The following RUNX2 variants were observed in gnomAD, a reference collection of about 807,000 sequenced individuals.
The protein encoded by RUNX2 is RUNX family transcription factor 2.
In RUNX2, 10 loss-of-function variants were observed where a neutral mutation model predicts 51.7. The ratio of observed to expected loss-of-function variants is 0.19; its 90% confidence interval spans 0.12 to 0.33. The LOEUF (loss-of-function observed/expected upper bound fraction) is 0.33, where lower values mean the gene tolerates loss of function less well. RUNX2 is among the 10% of genes least tolerant of loss of function. RUNX2 has a pLI of 1.00. For missense variants in RUNX2, 562 were observed against 691.3 expected, an observed-to-expected ratio of 0.81 and a Z score of 2.10; for synonymous variants, 276 against 273.6, an observed-to-expected ratio of 1.01 and a Z score of -0.09.
intron 2 of RUNX2, among the ~76,000 whole-genome samples, chr6:45,374,157 A>G (rs1796466859): frequency 6.6e-6 from 1 of 152,230 alleles, no homozygotes; most frequent in South Asian, 2.1e-4. Flanking sequence ...AATAAGTTAA[A>G]TACCTTAACT....
intron 7 of RUNX2, among the ~76,000 whole-genome samples, chr6:45,538,150 CT>C (rs1173967457): frequency 6.6e-6 from 1 of 152,120 alleles, no homozygotes; most frequent in Non-Finnish European, 1.5e-5. Flanking sequence ...TAAATTTCTG[CT>C]TTTAATATAG....
intron 7 of RUNX2, among the ~76,000 whole-genome samples, chr6:45,523,893 C>A (rs1801585439): frequency 6.6e-6 from 1 of 151,890 alleles, no homozygotes; most frequent in Non-Finnish European, 1.5e-5. Context: ...GATCATGCCA[C>A]TGCACTCTAG....
intron 2 of RUNX2, 115 bp from the exon 3 acceptor site, chr6:45,422,478 T>TG: frequency 7.0e-6 from 4 of 569,524 alleles, no homozygotes; most frequent in Non-Finnish European, 1.1e-5. Context: ...CCATCCTCTT[T>TG]CCCCCCGTCT....
chr6:45,463,989 C>A (rs1233409985), intron 5 of RUNX2, among the ~76,000 whole-genome samples: 2 of 152,014 alleles, frequency 1.3e-5, no homozygotes, highest in Non-Finnish European at 2.9e-5. Flanking sequence ...GTCAGGAGAT[C>A]GAGACCATCC....
intron 7 of RUNX2, among the ~76,000 whole-genome samples, chr6:45,542,152 T>C (rs1802250297): frequency 1.3e-5 from 2 of 152,250 alleles, no homozygotes; most frequent in Non-Finnish European, 2.9e-5. Flanking sequence ...GACATTCTGT[T>C]TGATTCCCTC....
chr6:45,411,067 C>A (rs1006806587), intron 2 of RUNX2, among the ~76,000 whole-genome samples: 5 of 152,172 alleles, frequency 3.3e-5, no homozygotes, highest in African/African-American at 1.2e-4. Context: ...GAGACCAAGT[C>A]TCCACTCCAA....
At chr6:45,398,296 A>T (rs1216402279) in intron 2 of RUNX2, among the ~76,000 whole-genome samples, 1 of 152,168 alleles carries the variant, frequency 6.6e-6, no homozygotes, top group Non-Finnish European at 1.5e-5. Context: ...ACACTGCCTG[A>T]TCACAATAAG....
chr6:45,534,901 T>C (rs1472583990), intron 7 of RUNX2, among the ~76,000 whole-genome samples: 1 of 152,224 alleles, frequency 6.6e-6, no homozygotes, highest in East Asian at 1.9e-4. Context: ...TAAAGTCTAG[T>C]TGAACACAGC....
chr6:45,339,025 T>C (rs367866460), intron 2 of RUNX2, among the ~76,000 whole-genome samples: 2 of 151,956 alleles, frequency 1.3e-5, no homozygotes, highest in Admixed American at 6.6e-5. Flanking sequence ...TAAGGTAATA[T>C]AAGAAGAAAA....
chr6:45,358,497 C>A (rs1793645456), intron 2 of RUNX2, among the ~76,000 whole-genome samples: 1 of 152,080 alleles, frequency 6.6e-6, no homozygotes, highest in African/African-American at 2.4e-5. Context: ...AAATATTTCC[C>A]CCTATACTTG....
At chr6:45,391,492 G>C (rs941100881) in intron 2 of RUNX2, among the ~76,000 whole-genome samples, 2 of 152,084 alleles carry the variant, frequency 1.3e-5, no homozygotes, top group Non-Finnish European at 1.5e-5. Context: ...AAATTACCCA[G>C]CCTCAGGTAT....
chr6:45,490,184 TAGG>T (rs1442110305), intron 5 of RUNX2, among the ~76,000 whole-genome samples: 10 of 152,254 alleles, frequency 6.6e-5, no homozygotes, highest in African/African-American at 2.4e-4. Context: ...TGCCAGGGTC[TAGG>T]AGTTGTTTTG....
chr6:45,525,077 C>T (rs192789643), intron 7 of RUNX2, among the ~76,000 whole-genome samples: 1 of 152,324 alleles, frequency 6.6e-6, no homozygotes, highest in Admixed American at 6.5e-5. Flanking sequence ...CGTAATTGCA[C>T]TCCAGCCTGG....
chr6:45,514,896 C>T (rs894888147), intron 7 of RUNX2, among the ~76,000 whole-genome samples: 3 of 151,714 alleles, frequency 2.0e-5, no homozygotes, highest in Non-Finnish European at 4.4e-5. Flanking sequence ...CCTAGAGGCT[C>T]CTACATGTGA....
chr6:45,365,314 G>C, intron 2 of RUNX2: 1 of 1,572,612 alleles, frequency 6.4e-7, no homozygotes, highest in Non-Finnish European at 8.7e-7. Context: ...AAATAAAAAG[G>C]AGAAATAAAG....
At chr6:45,406,195 G>T (rs1797829993) in intron 2 of RUNX2, among the ~76,000 whole-genome samples, 1 of 152,108 alleles carries the variant, frequency 6.6e-6, no homozygotes, top group South Asian at 2.1e-4. Context: ...ACCCTCTGTT[G>T]TCTCAACAGA....
intron 6 of RUNX2, among the ~76,000 whole-genome samples, chr6:45,494,253 T>G (rs532891034): frequency 6.6e-6 from 1 of 152,356 alleles, no homozygotes; most frequent in Non-Finnish European, 1.5e-5. Flanking sequence ...TCCACAGGCC[T>G]GGCCCTCCTC....
chr6:45,450,166 C>G (rs531040965), intron 5 of RUNX2, among the ~76,000 whole-genome samples: 126 of 152,266 alleles, frequency 8.3e-4, no homozygotes, highest in African/African-American at 2.6e-3. Flanking sequence ...GGAAAAGGAG[C>G]ATGACAATAG....
At chr6:45,466,143 A>G (rs568581676) in intron 5 of RUNX2, among the ~76,000 whole-genome samples, 2 of 151,870 alleles carry the variant, frequency 1.3e-5, no homozygotes, top group Non-Finnish European at 2.9e-5. Flanking sequence ...GTGAAATCCT[A>G]TCTCTACTAA....
Sources: allele counts gnomAD v4.1 joint callset (sites outside exome capture counted in the v4.1 genomes callset), GRCh38; gene constraint gnomAD v4.1.1; transcripts MANE v1.5; gene names NCBI Gene and HGNC (gene_info 2026-07-23, HGNC 2026-07-21).